Variants in MAMDC2 observed in about 807,000 individuals in gnomAD.
MAMDC2 encodes MAM domain-containing protein 2.
In MAMDC2, 57 loss-of-function variants were observed where a neutral mutation model predicts 89.8. The ratio of observed to expected loss-of-function variants is 0.63; its 90% CI spans 0.51 to 0.79. The LOEUF is 0.79. Ranked by LOEUF, MAMDC2 falls within the 30% of genes least tolerant of loss-of-function variation. MAMDC2 has a pLI of 0.00. For synonymous variants in MAMDC2, 313 were observed against 293.4 expected, an observed-to-expected ratio of 1.07 and a Z score of -0.68; for missense variants, 800 against 820.6, an observed-to-expected ratio of 0.97 and a Z score of 0.31.
At chr9:70,130,794 C>T (rs1461157244) in intron 6 of MAMDC2, among the ~76,000 whole-genome samples, 1 of 151,540 alleles carries the variant, frequency 6.6e-6, no homozygotes, top group Non-Finnish European at 1.5e-5. Context: ...CAAAACAAAA[C>T]AAAACAAAAA....
intron 5 of MAMDC2, among the ~76,000 whole-genome samples, chr9:70,116,290 A>T (rs2029987395): frequency 6.6e-6 from 1 of 152,116 alleles, no homozygotes; most frequent in African/African-American, 2.4e-5. Flanking sequence ...CAAATCATCC[A>T]TTTGCTTGTG....
intron 6 of MAMDC2, among the ~76,000 whole-genome samples, chr9:70,127,164 T>A (rs2030589637): frequency 6.6e-6 from 1 of 152,190 alleles, no homozygotes; most frequent in South Asian, 2.1e-4. Context: ...GTACTTTCAG[T>A]ACTGACTATC....
chr9:70,202,920 C>T (rs2033134271), intron 11 of MAMDC2, among the ~76,000 whole-genome samples: 1 of 150,112 alleles, frequency 6.7e-6, no homozygotes, highest in South Asian at 2.1e-4. Flanking sequence ...AGATCTTCCT[C>T]CATCCTTTTA....
At chr9:70,190,781 A>G (rs1587556393) in intron 11 of MAMDC2, among the ~76,000 whole-genome samples, 2 of 152,268 alleles carry the variant, frequency 1.3e-5, no homozygotes, top group South Asian at 4.1e-4. Context: ...TTTTTGATAA[A>G]TGCCATGTGG....
intron 2 of MAMDC2, among the ~76,000 whole-genome samples, chr9:70,057,028 A>G (rs1028699767): frequency 6.6e-6 from 1 of 152,202 alleles, no homozygotes; most frequent in Non-Finnish European, 1.5e-5. Context: ...TTGTATAATC[A>G]TTACATTATG....
At chr9:70,051,892 T>TAG (rs1563932170) in intron 2 of MAMDC2, among the ~76,000 whole-genome samples, 1 of 113,226 alleles carries the variant, frequency 8.8e-6, no homozygotes, top group South Asian at 2.8e-4. Context: ...TAGATAGAGA[T>TAG]AGATAGATAG....
rs776913054 is a variant in MAMDC2 at position 70,146,056 on chromosome 9, C to T, written c.1404+2237C>T. 1.2e-4 allele frequency among the ~76,000 whole-genome samples: 18 copies of T among 152,178 alleles called. 1 individual carries two copies. Among genetic ancestry groups the T allele is most frequent in the Admixed American group, 8.5e-4 (13 of 15,286 alleles). ...TGCTGTATTCTAGAAAACTCCTGCTCATCACTCCACTCACCTCCCCCGACC... is the reference window on the plus strand; with the variant it reads ...TGCTGTATTCTAGAAAACTCCTGCTTATCACTCCACTCACCTCCCCCGACC... On this transcript the variant is annotated intron_variant, in intron 9 of 13. Transcript: ENST00000377182.
intron 12 of MAMDC2, among the ~76,000 whole-genome samples, chr9:70,221,380 T>TATATATATATAGAGAGAG: frequency 4.3e-4 from 3 of 7,044 alleles, no homozygotes; most frequent in African/African-American, 1.3e-3. Context: ...TATATATATA[T>TATATATATATAGAGAGAG]AGAGAGAGAG....
chr9:70,194,112 T>A (rs1375156690), intron 11 of MAMDC2: 1 of 152,120 alleles, frequency 6.6e-6, no homozygotes, highest in African/African-American at 2.4e-5. Flanking sequence ...GCAATAAACC[T>A]TTCCAAATTC....
At chr9:70,120,418 G>A (rs779715300) in intron 5 of MAMDC2, among the ~76,000 whole-genome samples, 1 of 152,180 alleles carries the variant, frequency 6.6e-6, no homozygotes, top group African/African-American at 2.4e-5. Context: ...TGAGTGGTTC[G>A]CTTAAGCCCC....
intron 2 of MAMDC2, among the ~76,000 whole-genome samples, chr9:70,100,061 C>T (rs768295410): frequency 4.1e-5 from 6 of 147,040 alleles, no homozygotes; most frequent in Admixed American, 6.9e-5. Context: ...ACAATAGCAA[C>T]TGGTATCAAG....
chr9:70,079,439 C>CT (rs1827606590), intron 2 of MAMDC2: 1 of 152,128 alleles, frequency 6.6e-6, no homozygotes, highest in Non-Finnish European at 1.5e-5. Flanking sequence ...GAGTGAGCCA[C>CT]CCAGCAGAGC....
intron 4 of MAMDC2, among the ~76,000 whole-genome samples, chr9:70,111,822 A>C (rs986439924): frequency 2.0e-5 from 3 of 152,182 alleles, no homozygotes; most frequent in Admixed American, 6.6e-5. Flanking sequence ...AAAGGAAGCC[A>C]GCAAGGAATA....
intron 11 of MAMDC2, among the ~76,000 whole-genome samples, chr9:70,199,692 C>A (rs1044382778): frequency 8.9e-6 from 1 of 112,958 alleles, no homozygotes; most frequent in African/African-American, 3.1e-5. Flanking sequence ...TCCTATTTCT[C>A]CACATCCTCT....
At chr9:70,170,226 G>GT (rs368413217) in intron 10 of MAMDC2, 4 of 385,390 alleles carry the variant, frequency 1.0e-5, no homozygotes, top group Non-Finnish European at 1.4e-5. Flanking sequence ...GTCAGAGAAA[G>GT]TTTTTTTCTC....
chr9:70,163,524 GC>G (rs2032057914), intron 9 of MAMDC2, among the ~76,000 whole-genome samples: 1 of 152,126 alleles, frequency 6.6e-6, no homozygotes, highest in Admixed American at 6.5e-5. Context: ...ACTGTGCCTG[GC>G]CCATATTTCA....
At position 70,043,879 on chromosome 9, in the gene MAMDC2, C is replaced by T. The variant is rs569126327; in HGVS notation, c.-319C>T. On this transcript the variant is annotated 5_prime_UTR_variant, in exon 1 of 14. Coordinates refer to ENST00000377182, the MANE Select transcript of MAMDC2 (RefSeq NM_153267.5). Reference sequence around the variant, plus strand: ...TCCTCTCCCAGCCAGTCGTGGCTGGCCTTTCAAAGTGTGCAGTTGTCTCCT... The same window carrying T: ...TCCTCTCCCAGCCAGTCGTGGCTGGTCTTTCAAAGTGTGCAGTTGTCTCCT... 10 of 452,172 alleles carry T rather than the reference C, an allele frequency of 2.2e-5. No homozygotes were observed. The South Asian group carries it at 2.9e-4, about 13-fold the overall frequency. 28.0% of individuals were successfully genotyped at this position (452,172 alleles called of 1,614,324 possible). A position where few individuals can be genotyped will look rare whatever the true frequency, so the allele number is the denominator to read the frequency against.
At chr9:70,146,685 C>T (rs1447809243) in intron 9 of MAMDC2, among the ~76,000 whole-genome samples, 1 of 152,166 alleles carries the variant, frequency 6.6e-6, no homozygotes, top group Non-Finnish European at 1.5e-5. Flanking sequence ...GAAGTCACAA[C>T]ACTCTGGGAG....
chr9:70,151,200 C>G (rs2031569207), intron 9 of MAMDC2, among the ~76,000 whole-genome samples: 1 of 152,248 alleles, frequency 6.6e-6, no homozygotes, highest in Non-Finnish European at 1.5e-5. Context: ...TCAAGTGCTT[C>G]CTCTCAGAAA....
Sources: allele counts gnomAD v4.1 joint callset (sites outside exome capture counted in the v4.1 genomes callset), GRCh38; gene constraint gnomAD v4.1.1; transcripts MANE v1.5; gene names NCBI Gene and HGNC (gene_info 2026-07-23, HGNC 2026-07-21).